The following ZNF236 variants were observed in gnomAD, a reference collection of about 807,000 sequenced individuals.
ZNF236 encodes the protein zinc finger protein 236, also known as regulated by glucose.
ZNF236 carries 50 observed loss-of-function variants against 191.2 expected under a neutral mutation model. That is an observed-to-expected ratio of 0.26 (90% confidence interval 0.21 to 0.33). The LOEUF (loss-of-function observed/expected upper bound fraction) is 0.33. Among genes scored for constraint, ZNF236 ranks in the 10% least tolerant of loss-of-function variants. The pLI is 1.00. For missense variants in ZNF236, 1,754 were observed against 2,374.5 expected (o/e 0.74, Z 5.43); for synonymous variants, 907 against 928.8 (o/e 0.98, Z 0.43).
At chr18:76,954,947 T>G (rs1968487529) in intron 27 of ZNF236, among the ~76,000 whole-genome samples, 1 of 152,232 alleles carries the variant, frequency 6.6e-6, no homozygotes, top group Admixed American at 6.5e-5. Context: ...TTTTGTTGTT[T>G]AAGTATTTTT....
rs937913783 is a variant in ZNF236, at chr18:76,875,912, A to T, written c.840+248A>T. Among the ~76,000 whole-genome samples, 1 of 152,232 alleles carries T rather than the reference A, an allele frequency of 6.6e-6. No homozygotes were observed. Among genetic ancestry groups the T allele is most frequent in the South Asian group, 2.1e-4 (1 of 4,832 alleles). On this transcript the variant is annotated intron_variant, in intron 6 of 30. Transcript: ENST00000320610. This position sits in a 1 kb window ranked among gnomAD's most constrained non-coding sequence, Gnocchi z 4.3. ...TGGCTTTGGGGAATAAATATTTGAA[A>T]ATAATCCTAATACCTTTGTTAGTTA...
intron 6 of ZNF236, among the ~76,000 whole-genome samples, chr18:76,877,636 AT>A (rs1414010202): frequency 6.6e-6 from 1 of 152,154 alleles, no homozygotes; most frequent in Non-Finnish European, 1.5e-5. Flanking sequence ...TGTAATATGT[AT>A]TTATATATAA....
intron 3 of ZNF236, among the ~76,000 whole-genome samples, chr18:76,867,722 T>C (rs891342173): frequency 6.6e-6 from 1 of 152,242 alleles, no homozygotes; most frequent in African/African-American, 2.4e-5. Context: ...GAAGTAATTA[T>C]TGAGTTCTCA....
At chr18:76,913,919 T>A in intron 18 of ZNF236, 21 bp downstream of exon 18, 1 of 1,613,164 alleles carries the variant, frequency 6.2e-7, no homozygotes, top group Non-Finnish European at 8.5e-7. Context: ...GCCTTATACT[T>A]GGAGATTAGT....
rs368673824 is a variant in ZNF236, at chr18:76,858,409, C to T, written c.363+6470C>T. Among the ~76,000 whole-genome samples, 5 of 152,244 alleles carry T rather than the reference C, an allele frequency of 3.3e-5. No individual in the cohort carries two copies. The East Asian group carries it at 5.8e-4, about 18-fold the overall frequency. ...ATTTTCAAGTAATCTACAGATTTCACGTTATTTTACCACTAAATACTTCAG... is the reference window on the plus strand; with the variant it reads ...ATTTTCAAGTAATCTACAGATTTCATGTTATTTTACCACTAAATACTTCAG... On this transcript the variant is annotated intron_variant, in intron 3 of 30. Coordinates refer to ENST00000320610, the MANE Select transcript of ZNF236 (RefSeq NM_001306089.2).
intron 5 of ZNF236, among the ~76,000 whole-genome samples, chr18:76,873,449 C>T (rs183706511): frequency 6.6e-6 from 1 of 152,312 alleles, no homozygotes; most frequent in East Asian, 1.9e-4. Context: ...TGTGAGCTGC[C>T]TGGAGAGAGC....
At chr18:76,899,909 C>T (rs1977540268) in intron 11 of ZNF236, among the ~76,000 whole-genome samples, 1 of 152,182 alleles carries the variant, frequency 6.6e-6, no homozygotes, top group Non-Finnish European at 1.5e-5. Context: ...AGTCCAAGAT[C>T]ATGGTGCTGG....
At chr18:76,839,870 C>T (rs539871689) in intron 1 of ZNF236, among the ~76,000 whole-genome samples, 1 of 152,222 alleles carries the variant, frequency 6.6e-6, no homozygotes, top group East Asian at 1.9e-4. Context: ...GCAAACAAAA[C>T]AAGAAATTAT....
At chr18:76,884,272 G>A (rs1976982537) in intron 9 of ZNF236, among the ~76,000 whole-genome samples, 1 of 151,812 alleles carries the variant, frequency 6.6e-6, no homozygotes, top group Non-Finnish European at 1.5e-5. Flanking sequence ...GTGGTAGCGG[G>A]CACCTGTAAT....
chr18:76,930,070 G>C (rs1967804841), intron 25 of ZNF236, among the ~76,000 whole-genome samples: 1 of 152,176 alleles, frequency 6.6e-6, no homozygotes, highest in South Asian at 2.1e-4. Context: ...GATGTTTTCA[G>C]CCCAGTTATT....
At position 76,947,599 on chromosome 18, in the gene ZNF236, G is replaced by T; in HGVS notation, c.4861G>T (p.Val1621Leu). Residue 1621 changes from valine (V) to leucine (L), a missense_variant, in exon 27 of 31, where the codon GTG becomes TTG. Physicochemically the swap from Val to Leu is conservative, Grantham distance 32. Coordinates refer to ENST00000320610, the MANE Select transcript of ZNF236 (RefSeq NM_001306089.2). ...AGCAGGCTCGCCGCAAGTCATACTA[G>T]TGAGCCACACGCCACAGTCAGCGTC... ...GGAGSPQVILVSHTPQSASAA... is the reference protein window; with the variant it reads ...GGAGSPQVILLSHTPQSASAA... 6.2e-7 allele frequency: 1 copy of T among 1,614,082 alleles called. No individual in the cohort carries two copies. The highest frequency in any genetic ancestry group is 8.5e-7 in the Non-Finnish European group (1 of 1,179,988).
intron 17 of ZNF236, 130 bp downstream of exon 17, chr18:76,912,477 T>A: frequency 1.7e-6 from 1 of 594,866 alleles, no homozygotes; most frequent in Non-Finnish European, 2.9e-6. Flanking sequence ...TCCATTGTCA[T>A]CCATATTCTG....
At chr18:76,879,795 T>C (rs147363379) in intron 7 of ZNF236, among the ~76,000 whole-genome samples, 1 of 152,344 alleles carries the variant, frequency 6.6e-6, no homozygotes, top group African/African-American at 2.4e-5. Flanking sequence ...AACTTGATAT[T>C]TTAAAAATTC....
At chr18:76,956,819 C>T (rs1968536168) in intron 28 of ZNF236, among the ~76,000 whole-genome samples, 1 of 152,102 alleles carries the variant, frequency 6.6e-6, no homozygotes, top group Admixed American at 6.5e-5. Flanking sequence ...CGCCGTCTTC[C>T]GTGTGAAGGG....
In ZNF236 at chr18:76,951,896, C is replaced by T. The variant is rs374888112; in HGVS notation, c.4915-4089C>T. 3.8e-4 allele frequency among the ~76,000 whole-genome samples: 58 copies of T among 152,246 alleles called. No homozygotes were observed. In the East Asian group the frequency reaches 8.3e-3, roughly 22 times the overall value. ...TGGCCTCATTTTAGTATTGTTGTGT[C>T]TCAGAGAATAGGGAGGCCCAAGGAG... On this transcript the variant is annotated intron_variant, in intron 27 of 30. Transcript: ENST00000320610.
chr18:76,839,826 G>A (rs1975428473), intron 1 of ZNF236, among the ~76,000 whole-genome samples: 1 of 152,166 alleles, frequency 6.6e-6, no homozygotes, highest in South Asian at 2.1e-4. Flanking sequence ...CACACAAATT[G>A]TATGTTTGTA....
intron 4 of ZNF236, 139 bp from the exon 5 acceptor site, chr18:76,871,562 A>G (rs893313892): frequency 2.3e-6 from 2 of 851,850 alleles, no homozygotes; most frequent in Non-Finnish European, 3.8e-6. Context: ...ACACAGACAC[A>G]TACATATATG....
rs964758559 is a variant in ZNF236, at chr18:76,972,704, C to G, written c.*4365C>G. Among the ~76,000 whole-genome samples the G allele has an allele frequency of 5.9e-5, 9 of 151,882 alleles. No individual in the cohort carries two copies. Among genetic ancestry groups the G allele is most frequent in the African/African-American group, 2.2e-4 (9 of 41,306 alleles). On this transcript the variant is annotated 3_prime_UTR_variant, in exon 31 of 31. Coordinates refer to ENST00000320610, the MANE Select transcript of ZNF236 (RefSeq NM_001306089.2). ...ACATAGGGATTTGTTCTTGATTCACCACTAAAGAAAATTTTTAAAGTTAAT... is the reference window on the plus strand; with the variant it reads ...ACATAGGGATTTGTTCTTGATTCACGACTAAAGAAAATTTTTAAAGTTAAT...
At chr18:76,954,960 T>G (rs1303076624) in intron 27 of ZNF236, among the ~76,000 whole-genome samples, 1 of 152,242 alleles carries the variant, frequency 6.6e-6, no homozygotes, top group Non-Finnish European at 1.5e-5. Context: ...GTATTTTTCT[T>G]TAATGTTTAC....
Sources: gnomAD v4.1 joint callset for allele counts (sites outside exome capture counted in the v4.1 genomes callset) on GRCh38, gnomAD v4.1.1 for gene constraint, Gnocchi (gnomAD v3.1) non-coding constraint, MANE v1.5 for transcripts, NCBI Gene and HGNC (gene_info 2026-07-23, HGNC 2026-07-21) for gene names.